The following HIRA variants were observed in gnomAD, a reference collection of about 807,000 sequenced individuals.
HIRA encodes protein HIRA.
A neutral mutation model predicts 126.6 loss-of-function variants in HIRA; 13 were observed. The observed-to-expected ratio is 0.10, with a 90% CI of 0.07 to 0.16. The LOEUF (loss-of-function observed/expected upper bound fraction) is 0.16. Among genes scored for constraint, HIRA ranks in the 10% least tolerant of loss-of-function variants. The pLI is 1.00. For missense variants in HIRA, 834 were observed against 1,314.4 expected (o/e 0.63, Z 5.65); for synonymous variants, 511 against 520.0 (o/e 0.98, Z 0.24).
Position 19,405,867 on chromosome 22 carries a change from TG to T in HIRA, c.315del (p.Ser106AlafsTer29). ...TTACCACTGGAGCCGAACACGGTGCTGGGGCCGATGTACCTGTGTGAGAAAG... is the reference window on the plus strand; with the variant it reads ...TTACCACTGGAGCCGAACACGGTGCTGGGCCGATGTACCTGTGTGAGAAAG... Reference protein sequence around the residue: ...MVWKRATYIGPSTVFGSSGKL... With the variant: ...MVWKRATYIGXSTVFGSSGKL... On this transcript the variant is annotated frameshift_variant, in exon 5 of 25. Transcript: ENST00000263208. LOFTEE classifies it high-confidence loss of function. 2 of 1,497,198 alleles carry T rather than the reference TG, an allele frequency of 1.3e-6. No homozygotes were observed. The highest frequency in any genetic ancestry group is 2.1e-5 in the Admixed American group (1 of 47,028). The allele number at this position is 1,497,198 out of a possible 1,614,324, so 92.7% of individuals were successfully genotyped here. A position where few individuals can be genotyped will look rare whatever the true frequency, so the allele number is the denominator to read the frequency against.
At position 19,361,949 on chromosome 22, in the gene HIRA, A is replaced by G. The variant is rs745825887; in HGVS notation, c.1776-18T>C. The G allele has an allele frequency of 6.2e-7, 1 of 1,610,284 alleles. No individual in the cohort carries two copies. Among genetic ancestry groups the G allele is most frequent in the Admixed American group, 1.7e-5 (1 of 59,938 alleles). ...CTTTTAACCTGCACAAAAACATTAC[A>G]TCACACTTCCCTTCAGAAACCATTC... On this transcript the variant is annotated intron_variant, in intron 15 of 24. Transcript: ENST00000263208.
chr22:19,412,448 A>G (rs767027968), intron 1 of HIRA, among the ~76,000 whole-genome samples: 2 of 152,282 alleles, frequency 1.3e-5, no homozygotes, highest in African/African-American at 2.4e-5. Context: ...GGTTTGTCAT[A>G]TAAGAGATAA....
At chr22:19,345,348 A>C (rs1232367616) in intron 24 of HIRA, among the ~76,000 whole-genome samples, 1 of 152,262 alleles carries the variant, frequency 6.6e-6, no homozygotes, top group Non-Finnish European at 1.5e-5. Flanking sequence ...TGTAAAGAGC[A>C]GCCAAGTATT....
chr22:19,357,787 A>T (rs1468046518), intron 18 of HIRA, among the ~76,000 whole-genome samples: 1 of 152,176 alleles, frequency 6.6e-6, no homozygotes, highest in East Asian at 1.9e-4. Context: ...TGTCACTTCT[A>T]TCCTGGTGAG....
In HIRA at chr22:19,392,089, T is replaced by C. The variant is rs1343392654; in HGVS notation, c.936+12A>G. 1 of 1,534,046 alleles carries C rather than the reference T, an allele frequency of 6.5e-7. No individual in the cohort carries two copies. Among genetic ancestry groups the C allele is most frequent in the Non-Finnish European group, 9.0e-7 (1 of 1,116,106 alleles). On this transcript the variant is annotated intron_variant, in intron 9 of 24. Coordinates refer to ENST00000263208, the MANE Select transcript of HIRA (RefSeq NM_003325.4). The stretch of plus-strand genomic sequence containing the variant: ...CCCGTCCTGCAACAAAAGCTCAGGA[T>C]AGCAGGCTCACCCAGACAGAAAGCG...
chr22:19,362,582 T>C lies in HIRA; in HGVS notation c.1776-651A>G, dbSNP rs118183722. Among the ~76,000 whole-genome samples, 1,490 of 152,080 alleles carry C rather than the reference T, an allele frequency of 9.8e-3. 15 individuals carry two copies. Among genetic ancestry groups the C allele is most frequent in the Non-Finnish European group, 0.014 (974 of 67,964 alleles). On this transcript the variant is annotated intron_variant, in intron 15 of 24. Transcript: ENST00000263208. ...TTTATTATCATTTTTTTTTTGGAGATGGATTTTCACTCTTCTCGCCCAGCC... is the reference window on the plus strand; with the variant it reads ...TTTATTATCATTTTTTTTTTGGAGACGGATTTTCACTCTTCTCGCCCAGCC...
intron 15 of HIRA, among the ~76,000 whole-genome samples, chr22:19,370,986 T>C (rs1159339341): frequency 6.6e-6 from 1 of 152,134 alleles, no homozygotes; most frequent in Non-Finnish European, 1.5e-5. Flanking sequence ...CAGAAGCCAA[T>C]CTAAGGGCTA....
rs760723104 is a variant in HIRA at position 19,385,701 on chromosome 22, T to A, written c.1149A>T (p.Leu383=). The change falls in exon 12 of 25, where the codon CTA becomes CTT. Residue 383 remains leucine (L), a synonymous_variant. Coordinates refer to ENST00000263208, the MANE Select transcript of HIRA (RefSeq NM_003325.4). ...AGAGCTGGGCCTCGGTCATGATGGC[T>A]AGGCTCTTGCCATAGGTGGACTGGT... is the stretch of plus-strand genomic sequence containing the variant. ...RIHQSTYGKS[L]AIMTEAQLST... 6.2e-7 allele frequency: 1 copy of A among 1,613,908 alleles called. No homozygotes were observed. The highest frequency in any genetic ancestry group is 8.5e-7 in the Non-Finnish European group (1 of 1,179,964).
Position 19,419,951 on chromosome 22 carries a change from A to G in HIRA, c.38-9173T>C, listed in dbSNP as rs116957719. On this transcript the variant is annotated intron_variant, in intron 1 of 24. Transcript: ENST00000263208. ...AAAACTTATCCCCATCTTCTTTAGT[A>G]AGCATGACACAATGACATCTCATAG... Among the ~76,000 whole-genome samples, 17 of 152,260 alleles carry G rather than the reference A, an allele frequency of 1.1e-4. No homozygotes were observed. The East Asian group carries it at 3.3e-3, about 29-fold the overall frequency.
intron 24 of HIRA, among the ~76,000 whole-genome samples, chr22:19,349,643 T>C (rs2146185168): frequency 6.6e-6 from 1 of 152,318 alleles, no homozygotes; most frequent in South Asian, 2.1e-4. Flanking sequence ...GCAAAGTCTA[T>C]GGAACAATGC....
intron 20 of HIRA, 125 bp downstream of exon 20, chr22:19,356,105 C>T: frequency 3.3e-6 from 3 of 908,312 alleles, no homozygotes; most frequent in Admixed American, 1.9e-5. Context: ...CGTAACCACA[C>T]CTCCTGCCTC....
At chr22:19,380,488 TCTCA>T (rs903924524) in intron 13 of HIRA, among the ~76,000 whole-genome samples, 1 of 152,256 alleles carries the variant, frequency 6.6e-6, no homozygotes, top group Non-Finnish European at 1.5e-5. Flanking sequence ...TGTGTCAGTA[TCTCA>T]CTGTTTTGAG....
At chr22:19,424,665 A>C (rs769673604) in intron 1 of HIRA, among the ~76,000 whole-genome samples, 75 of 151,814 alleles carry the variant, frequency 4.9e-4, no homozygotes, top group Non-Finnish European at 6.8e-4. Flanking sequence ...AGAAAGAGTA[A>C]GTCTGGGCTT....
chr22:19,374,265 C>T (rs995539007), intron 15 of HIRA, among the ~76,000 whole-genome samples: 1 of 151,924 alleles, frequency 6.6e-6, no homozygotes, highest in Non-Finnish European at 1.5e-5. Flanking sequence ...ACCTGGGAGG[C>T]GGAGGTTGCA....
intron 24 of HIRA, among the ~76,000 whole-genome samples, chr22:19,332,459 T>C (rs1172082304): frequency 6.6e-6 from 1 of 152,110 alleles, no homozygotes; most frequent in Non-Finnish European, 1.5e-5. Context: ...ACAGAGATGG[T>C]ATGGATTTGC....
intron 1 of HIRA, among the ~76,000 whole-genome samples, chr22:19,420,634 G>A (rs1450253968): frequency 1.3e-5 from 2 of 152,004 alleles, no homozygotes; most frequent in Non-Finnish European, 1.5e-5. Context: ...AGGATTGCTT[G>A]AGCCCAGGAG....
At chr22:19,398,820 T>C (rs887845563) in intron 5 of HIRA, among the ~76,000 whole-genome samples, 1 of 151,994 alleles carries the variant, frequency 6.6e-6, no homozygotes, top group African/African-American at 2.4e-5. Flanking sequence ...CTACAAAAAA[T>C]TGGCTGGGCT....
chr22:19,428,848 G>C (rs2146263397), intron 1 of HIRA, among the ~76,000 whole-genome samples: 1 of 152,260 alleles, frequency 6.6e-6, no homozygotes, highest in East Asian at 1.9e-4. Context: ...AAGGAAGCCA[G>C]AAAGTGCAAT....
At chr22:19,415,522 CT>C (rs2089388890) in intron 1 of HIRA, among the ~76,000 whole-genome samples, 1 of 152,152 alleles carries the variant, frequency 6.6e-6, no homozygotes, top group Non-Finnish European at 1.5e-5. Context: ...GGCACAGTGG[CT>C]CATGCCTGTA....
Sources: allele counts gnomAD v4.1 joint callset (sites outside exome capture counted in the v4.1 genomes callset), GRCh38; gene constraint gnomAD v4.1.1; transcripts MANE v1.5; gene names NCBI Gene and HGNC (gene_info 2026-07-23, HGNC 2026-07-21).